CARD9: variants seen among roughly 807,000 people sequenced by gnomAD.
The protein encoded by CARD9 is caspase recruitment domain-containing protein 9.
CARD9 carries 53 observed loss-of-function variants against 66.0 expected under a neutral mutation model. The observed-to-expected ratio is 0.80, with a 90% CI of 0.64 to 1.01. CARD9 has a LOEUF of 1.01. Among genes scored for constraint, CARD9 ranks in the 50% least tolerant of loss-of-function variants. The pLI is 0.00. For synonymous variants in CARD9, 387 were observed against 313.8 expected, an observed-to-expected ratio of 1.23 and a Z score of -2.47; for missense variants, 769 against 743.2, an observed-to-expected ratio of 1.03 and a Z score of -0.40.
At chr9:136,365,393 C>T in intron 10 of CARD9, 176 bp from the exon 11 acceptor site, 5 of 615,410 alleles carry the variant, frequency 8.1e-6, no homozygotes, top group Non-Finnish European at 1.4e-5. Flanking sequence ...CTTATGGCCT[C>T]GCTTGCCTGT....
intron 8 of CARD9, 185 bp from the exon 9 acceptor site, chr9:136,367,442 G>T: frequency 1.1e-6 from 1 of 914,730 alleles, no homozygotes; most frequent in Non-Finnish European, 1.7e-6. Flanking sequence ...ACCCACCCCG[G>T]CCCTGCAGCC....
rs759516063 is a variant in CARD9 at position 136,367,923 on chromosome 9, G to A, written c.1078-95C>T. 6 of 1,471,038 alleles carry A rather than the reference G, an allele frequency of 4.1e-6. No homozygotes were observed. The African/African-American group carries it at 8.5e-5, about 21-fold the overall frequency. The allele number at this position is 1,471,038 out of a possible 1,614,324, so 91.1% of individuals were successfully genotyped here. ...CCCAACTCCAAGCAGAGGCTCCGGA[G>A]GACGTCAAGCCGCTGGGCGCGGAGG... On this transcript the variant is annotated intron_variant, in intron 7 of 12. Coordinates refer to ENST00000371732, the MANE Select transcript of CARD9 (RefSeq NM_052813.5).
In CARD9 at chr9:136,371,467, G is replaced by A; in HGVS notation, c.185-6C>T. On this transcript the variant is annotated splice_region_variant and splice_polypyrimidine_tract_variant and intron_variant, in intron 2 of 12. Transcript: ENST00000371732. ...CAGGATGTCCAGGAGCACACCTGCG[G>A]GCCAGAGAGGCCTAACTGGGGGCGG... The A allele has an allele frequency of 6.4e-7, 1 of 1,572,124 alleles. No individual in the cohort carries two copies. The highest frequency in any genetic ancestry group is 8.6e-7 in the Non-Finnish European group (1 of 1,157,614).
At chr9:136,369,915 C>T (rs1226491417) in intron 6 of CARD9, 40 bp from the exon 7 acceptor site, 1 of 1,607,194 alleles carries the variant, frequency 6.2e-7, no homozygotes, top group African/African-American at 1.3e-5. Context: ...GGCCTGAGGC[C>T]CCCCATTCTG....
At chr9:136,367,610 C>T (rs1383326439) in intron 8 of CARD9, 27 bp downstream of exon 8, 4 of 1,551,778 alleles carry the variant, frequency 2.6e-6, no homozygotes, top group Non-Finnish European at 3.5e-6. Context: ...CGCCGGCTCC[C>T]CTCCCTGCCG....
chr9:136,366,990 C>G lies in CARD9; in HGVS notation c.1312-145G>C, dbSNP rs1833139610. The stretch of plus-strand genomic sequence containing the variant: ...CAGAGCTTCTCAGAGACTCAGGTGC[C>G]CAGCAGACGGACATTGGGCGGCCAG... On this transcript the variant is annotated intron_variant, in intron 9 of 12. Coordinates refer to ENST00000371732, the MANE Select transcript of CARD9 (RefSeq NM_052813.5). The G allele has an allele frequency of 2.7e-6, 3 of 1,105,372 alleles. No homozygotes were observed. In the Admixed American group the frequency reaches 5.7e-5, roughly 21 times the overall value. The allele number at this position is 1,105,372 out of a possible 1,614,324, so 68.5% of individuals were successfully genotyped here.
At chr9:136,372,756 C>G (rs1359096247) in intron 1 of CARD9, among the ~76,000 whole-genome samples, 1 of 152,256 alleles carries the variant, frequency 6.6e-6, no homozygotes, top group Non-Finnish European at 1.5e-5. Flanking sequence ...GGTCGCTGCA[C>G]TGGCCGGGAA....
Position 136,369,763 on chromosome 9 carries a change from A to G in CARD9, c.1064T>C (p.Ile355Thr), listed in dbSNP as rs1180563428. 4 of 1,605,320 alleles carry G rather than the reference A, an allele frequency of 2.5e-6. No individual in the cohort carries two copies. The South Asian group carries it at 4.4e-5, about 18-fold the overall frequency. Residue 355 changes from isoleucine to threonine, a missense_variant, in exon 7 of 13, where the codon ATT becomes ACT. Transcript: ENST00000371732. ...AILLQMEEVA[I>T]ERDQAIATRE... ...GCGAGTGCCCACCTGGTCCCGCTCA[A>G]TGGCGACCTCCTCCATCTGCAGCAG...
In CARD9 at chr9:136,364,244, C is replaced by A; in HGVS notation, c.*58G>T. ...CTGCGCCCCAGGGCGTCGGCACCCCCGGGTGGCAGGAGGCCGGGCCGGTGG... is the reference window on the plus strand; with the variant it reads ...CTGCGCCCCAGGGCGTCGGCACCCCAGGGTGGCAGGAGGCCGGGCCGGTGG... On this transcript the variant is annotated 3_prime_UTR_variant, in exon 13 of 13. Coordinates refer to ENST00000371732, the MANE Select transcript of CARD9 (RefSeq NM_052813.5). The A allele has an allele frequency of 1.3e-6, 2 of 1,550,448 alleles. No individual in the cohort carries two copies. The highest frequency in any genetic ancestry group is 1.7e-6 in the Non-Finnish European group (2 of 1,146,660).
chr9:136,367,896 C>T (rs112000318), intron 7 of CARD9, 68 bp from the exon 8 acceptor site: 34 of 1,510,922 alleles, frequency 2.3e-5, no homozygotes, highest in African/African-American at 1.1e-4. Context: ...TCGGCCCGGC[C>T]GCCCAACTCC....
intron 7 of CARD9, among the ~76,000 whole-genome samples, chr9:136,368,663 C>T (rs1833184133): frequency 6.6e-6 from 1 of 152,234 alleles, no homozygotes; most frequent in South Asian, 2.1e-4. Flanking sequence ...CACAGCCCTG[C>T]CCCGCGACGC....
At chr9:136,367,504 G>T in intron 8 of CARD9, 133 bp downstream of exon 8, 1 of 1,136,944 alleles carries the variant, frequency 8.8e-7, no homozygotes, top group Non-Finnish European at 1.2e-6. Context: ...CCCACTGCCA[G>T]GAGGGGTTTG....
intron 7 of CARD9, 116 bp downstream of exon 7, chr9:136,369,634 A>G: frequency 6.6e-7 from 1 of 1,518,510 alleles, no homozygotes; most frequent in East Asian, 2.5e-5. Context: ...GCAAGACCCC[A>G]TCTCAAAAAC....
chr9:136,370,716 G>A lies in CARD9; in HGVS notation c.628-15C>T, dbSNP rs375692399. On this transcript the variant is annotated splice_polypyrimidine_tract_variant and intron_variant, in intron 4 of 12. Transcript: ENST00000371732. The stretch of plus-strand genomic sequence containing the variant: ...AGCTGGTCAATCTGCAGAAGGTCCA[G>A]TGAGCCTGGCTGTCCCCTCCAGGCG... 7 of 1,612,676 alleles carry A rather than the reference G, an allele frequency of 4.3e-6. No individual in the cohort carries two copies. The highest frequency in any genetic ancestry group is 1.3e-5 in the African/African-American group (1 of 75,066).
rs1468502009 is a variant in CARD9, at chr9:136,370,359, C to T, written c.886G>A (p.Glu296Lys). The change falls in exon 6 of 13, where the codon GAG (glutamate) becomes AAG (lysine). Residue 296 changes from glutamate to lysine, a missense_variant. Glu to Lys is a moderately conservative substitution (Grantham distance 56). Transcript: ENST00000371732. ...DWRQALRDHQEQANTIFSLRK... is the reference protein window; with the variant it reads ...DWRQALRDHQKQANTIFSLRK... Reference sequence around the variant, plus strand: ...AGGGAGAAGATGGTGTTGGCCTGCTCCTGGTGGTCCCGCAGCGCCTGCCGC... The same window carrying T: ...AGGGAGAAGATGGTGTTGGCCTGCTTCTGGTGGTCCCGCAGCGCCTGCCGC... 6.8e-6 allele frequency: 11 copies of T among 1,609,896 alleles called. No homozygotes were observed. The Admixed American group carries it at 1.8e-4, about 27-fold the overall frequency.
rs569579324 is a variant in CARD9, at chr9:136,370,274, C to T, written c.951+20G>A. The T allele has an allele frequency of 1.3e-5, 21 of 1,593,906 alleles. No individual in the cohort carries two copies. The highest frequency in any genetic ancestry group is 5.4e-5 in the African/African-American group (4 of 74,686). On this transcript the variant is annotated intron_variant, in intron 6 of 12. Coordinates refer to ENST00000371732, the MANE Select transcript of CARD9 (RefSeq NM_052813.5). Reference sequence around the variant, plus strand: ...CTGGCTTGGACCCCAGGGGCCATGTCTCCCCGCCTGCCCTCCTACCCGGAG... The same window carrying T: ...CTGGCTTGGACCCCAGGGGCCATGTTTCCCCGCCTGCCCTCCTACCCGGAG...
intron 3 of CARD9, 77 bp downstream of exon 3, chr9:136,371,247 C>G: frequency 1.9e-6 from 3 of 1,577,546 alleles, no homozygotes; most frequent in Non-Finnish European, 2.6e-6. Context: ...GGGATGGGGG[C>G]CAGGCAGAGG....
chr9:136,367,560 G>A (rs763452178), intron 8 of CARD9, 77 bp downstream of exon 8: 58 of 1,472,750 alleles, frequency 3.9e-5, no homozygotes, highest in African/African-American at 7.0e-5. Context: ...CGGGAAGGCC[G>A]GGGCTGAGGC....
In CARD9 at chr9:136,364,194, C is replaced by T. The variant is rs2131430191; in HGVS notation, c.*108G>A. ...GGGCACCAGATTCCTCGTTCCAGGC[C>T]AAGTCAGCGACGGCTCGGGGAAGTC... On this transcript the variant is annotated 3_prime_UTR_variant, in exon 13 of 13. Transcript: ENST00000371732. 1 of 1,550,562 alleles carries T rather than the reference C, an allele frequency of 6.4e-7. No individual in the cohort carries two copies. Among genetic ancestry groups the T allele is most frequent in the South Asian group, 1.2e-5 (1 of 84,068 alleles).
Sources: gnomAD v4.1 joint callset for allele counts (sites outside exome capture counted in the v4.1 genomes callset) on GRCh38, gnomAD v4.1.1 for gene constraint, MANE v1.5 for transcripts, NCBI Gene and HGNC (gene_info 2026-07-23, HGNC 2026-07-21) for gene names.